The following RANBP2 variants were observed in gnomAD, a reference collection of about 807,000 sequenced individuals.
RANBP2 encodes E3 SUMO-protein ligase RanBP2.
RANBP2 carries 57 observed loss-of-function variants against 303.6 expected under a neutral mutation model. That is an observed-to-expected ratio of 0.19 (90% CI 0.15 to 0.23). The LOEUF is 0.23. Among genes scored for constraint, RANBP2 ranks in the 10% least tolerant of loss-of-function variants. The pLI, the probability that RANBP2 is intolerant of heterozygous loss-of-function variation, is 1.00. For synonymous variants in RANBP2, 1,167 were observed against 1,301.5 expected, an observed-to-expected ratio of 0.90 and a Z score of 2.23; for missense variants, 3,138 against 3,780.8, an observed-to-expected ratio of 0.83 and a Z score of 4.46.
At chr2:109,355,649 C>T in the RANBP2 span, among the ~76,000 whole-genome samples, 2 of 152,160 alleles carry the variant, frequency 1.3e-5, no homozygotes, top group African/African-American at 2.4e-5. Context: ...CTTTCCTCTT[C>T]GGCCATTGGG....
chr2:109,438,087 G>A, the RANBP2 span, among the ~76,000 whole-genome samples: 2 of 152,196 alleles, frequency 1.3e-5, no homozygotes, highest in African/African-American at 2.4e-5. Flanking sequence ...TTAGACTAAC[G>A]AACACGATGA....
At chr2:109,377,331 G>A in the RANBP2 span, among the ~76,000 whole-genome samples, 3 of 152,202 alleles carry the variant, frequency 2.0e-5, no homozygotes, top group Non-Finnish European at 4.4e-5. Flanking sequence ...GATGAGAGGT[G>A]GAGGTGGGGC....
the RANBP2 span, among the ~76,000 whole-genome samples, chr2:109,383,289 C>T: frequency 6.6e-6 from 1 of 152,230 alleles, no homozygotes; most frequent in African/African-American, 2.4e-5. Context: ...TGGAACCAAG[C>T]ACACCCATGT....
At chr2:108,909,565 C>A in the RANBP2 span, among the ~76,000 whole-genome samples, 2 of 152,114 alleles carry the variant, frequency 1.3e-5, no homozygotes, top group Non-Finnish European at 2.9e-5. Flanking sequence ...GGCACTGTTG[C>A]GGGGGTGTCC....
chr2:108,847,923 A>G, the RANBP2 span, among the ~76,000 whole-genome samples: 1 of 152,182 alleles, frequency 6.6e-6, no homozygotes, highest in Non-Finnish European at 1.5e-5. Context: ...AGTGTGTGAA[A>G]GGTCACTTAC....
At chr2:109,562,781 T>C in the RANBP2 span, among the ~76,000 whole-genome samples, 7 of 152,258 alleles carry the variant, frequency 4.6e-5, no homozygotes, top group South Asian at 4.1e-4. Flanking sequence ...CTAGGGAAGC[T>C]AACTCGAGAT....
the RANBP2 span, among the ~76,000 whole-genome samples, chr2:109,600,486 C>G: frequency 6.6e-6 from 1 of 151,780 alleles, no homozygotes; most frequent in Non-Finnish European, 1.5e-5. Flanking sequence ...CCAAACTGCC[C>G]CTCAAAAAGA....
chr2:109,302,773 G>A, the RANBP2 span, among the ~76,000 whole-genome samples: 1 of 152,136 alleles, frequency 6.6e-6, no homozygotes, highest in Non-Finnish European at 1.5e-5. Context: ...CCTGCCTCTC[G>A]GAGGCTGAAA....
At chr2:108,847,662 G>A in the RANBP2 span, among the ~76,000 whole-genome samples, 2 of 152,168 alleles carry the variant, frequency 1.3e-5, no homozygotes, top group Non-Finnish European at 2.9e-5. Flanking sequence ...TTATGCCAGT[G>A]TAGTCAGGCA....
chr2:109,089,138 C>T, the RANBP2 span, among the ~76,000 whole-genome samples: 2 of 148,332 alleles, frequency 1.3e-5, no homozygotes, highest in African/African-American at 4.9e-5. Flanking sequence ...GAGAGGCAAA[C>T]AAGAACGCTT....
the RANBP2 span, among the ~76,000 whole-genome samples, chr2:109,138,536 C>T: frequency 6.6e-6 from 1 of 152,210 alleles, no homozygotes; most frequent in Non-Finnish European, 1.5e-5. Flanking sequence ...TTCTGGACTT[C>T]ATGTATTGTA....
the RANBP2 span, among the ~76,000 whole-genome samples, chr2:109,046,272 C>G: frequency 6.7e-6 from 1 of 148,762 alleles, no homozygotes; most frequent in East Asian, 2.0e-4. Flanking sequence ...CCACTGCACT[C>G]CAGCCTGGGC....
chr2:108,722,832 G>A (rs1211882931), intron 1 of RANBP2, among the ~76,000 whole-genome samples: 2 of 151,698 alleles, frequency 1.3e-5, no homozygotes, highest in East Asian at 1.9e-4. Flanking sequence ...CAGAGGTTGT[G>A]GTGAGCAGAG....
At chr2:109,399,108 CT>C in the RANBP2 span, among the ~76,000 whole-genome samples, 3 of 152,108 alleles carry the variant, frequency 2.0e-5, no homozygotes, top group African/African-American at 7.2e-5. Context: ...TGGGGCCCCC[CT>C]AGAAGCGTGG....
the RANBP2 span, among the ~76,000 whole-genome samples, chr2:109,039,812 T>C: frequency 1.3e-5 from 2 of 152,200 alleles, no homozygotes; most frequent in South Asian, 2.1e-4. Flanking sequence ...GCTTTTTTTC[T>C]ATTTGTTATG....
the RANBP2 span, among the ~76,000 whole-genome samples, chr2:109,290,239 C>T: frequency 1.3e-5 from 2 of 152,208 alleles, no homozygotes; most frequent in Admixed American, 6.5e-5. Flanking sequence ...ATCATTCCTT[C>T]TCTTTGTCAG....
At chr2:109,513,435 C>T in the RANBP2 span, among the ~76,000 whole-genome samples, 9 of 151,280 alleles carry the variant, frequency 5.9e-5, no homozygotes, top group Non-Finnish European at 1.0e-4. Flanking sequence ...TATATGCACA[C>T]CACACACATC....
At chr2:109,717,269 A>G in the RANBP2 span, among the ~76,000 whole-genome samples, 1 of 126,218 alleles carries the variant, frequency 7.9e-6, no homozygotes, top group Non-Finnish European at 1.7e-5. Context: ...ATTAAAAACA[A>G]ACCAAAAAAA....
the RANBP2 span, among the ~76,000 whole-genome samples, chr2:109,568,980 G>T: frequency 6.6e-6 from 1 of 152,156 alleles, no homozygotes; most frequent in Non-Finnish European, 1.5e-5. Flanking sequence ...TGTAAATCTA[G>T]TTCTATAAGA....
Sources: allele counts gnomAD v4.1 joint callset (sites outside exome capture counted in the v4.1 genomes callset), GRCh38; gene constraint gnomAD v4.1.1; transcripts MANE v1.5; gene names NCBI Gene and HGNC (gene_info 2026-07-23, HGNC 2026-07-21).